The following PTPRT variants were observed in gnomAD, a reference collection of about 807,000 sequenced individuals.
PTPRT encodes the protein receptor-type tyrosine-protein phosphatase T.
PTPRT carries 56 observed loss-of-function variants against 176.8 expected under a neutral mutation model. The observed-to-expected ratio is 0.32, with a 90% confidence interval of 0.26 to 0.40. PTPRT has a LOEUF of 0.40. PTPRT is among the 10% of genes least tolerant of loss of function. The pLI, the probability that PTPRT is intolerant of heterozygous loss-of-function variation, is 1.00. For synonymous variants in PTPRT, 783 were observed against 739.0 expected, an observed-to-expected ratio of 1.06 and a Z score of -0.96; for missense variants, 1,540 against 1,908.2, an observed-to-expected ratio of 0.81 and a Z score of 3.60.
chr20:43,112,455 T>C (rs2012903254), intron 1 of PTPRT, among the ~76,000 whole-genome samples: 1 of 152,170 alleles, frequency 6.6e-6, no homozygotes, highest in Non-Finnish European at 1.5e-5. Context: ...CATTCTATTC[T>C]GTTGCATGTT....
chr20:42,177,074 T>G (rs374459304), intron 16 of PTPRT, among the ~76,000 whole-genome samples: 12 of 152,256 alleles, frequency 7.9e-5, no homozygotes, highest in African/African-American at 2.4e-4. Context: ...CCTTCACCTT[T>G]GTGGACCTTA....
chr20:43,034,180 T>A (rs1014659452), intron 1 of PTPRT, among the ~76,000 whole-genome samples: 1 of 152,138 alleles, frequency 6.6e-6, no homozygotes, highest in African/African-American at 2.4e-5. Context: ...AAGTCCCAGA[T>A]GGGGGTACAC....
At chr20:43,109,596 T>C (rs988974489) in intron 1 of PTPRT, among the ~76,000 whole-genome samples, 13 of 152,182 alleles carry the variant, frequency 8.5e-5, no homozygotes, top group African/African-American at 2.7e-4. Flanking sequence ...AAGTCAGACA[T>C]GGTCCCTTCC....
At chr20:42,261,818 T>A (rs984761582) in intron 13 of PTPRT, among the ~76,000 whole-genome samples, 2 of 152,154 alleles carry the variant, frequency 1.3e-5, no homozygotes, top group Admixed American at 6.5e-5. Flanking sequence ...GGTGACTGTA[T>A]TACCTGACTT....
chr20:42,774,682 G>A (rs2077108423), intron 4 of PTPRT, among the ~76,000 whole-genome samples: 1 of 152,134 alleles, frequency 6.6e-6, no homozygotes, highest in South Asian at 2.1e-4. Context: ...CATACATTCA[G>A]GGATGCCCCC....
At chr20:42,682,529 C>T (rs2075620729) in intron 6 of PTPRT, among the ~76,000 whole-genome samples, 1 of 152,236 alleles carries the variant, frequency 6.6e-6, no homozygotes, top group South Asian at 2.1e-4. Flanking sequence ...ACAGACTCCA[C>T]ACCATCATCT....
At chr20:42,921,599 C>G (rs897266068) in intron 1 of PTPRT, among the ~76,000 whole-genome samples, 1 of 152,156 alleles carries the variant, frequency 6.6e-6, no homozygotes, top group African/African-American at 2.4e-5. Context: ...ATAAAAACAA[C>G]ACAAAAATTT....
intron 1 of PTPRT, among the ~76,000 whole-genome samples, chr20:43,002,002 G>C (rs1167559282): frequency 6.6e-6 from 1 of 152,190 alleles, no homozygotes; most frequent in African/African-American, 2.4e-5. Context: ...TGTTGAGGGA[G>C]AGACCTGGTA....
chr20:42,137,651 G>T (rs1247394775), intron 18 of PTPRT, among the ~76,000 whole-genome samples: 3 of 152,182 alleles, frequency 2.0e-5, no homozygotes, highest in Non-Finnish European at 4.4e-5. Flanking sequence ...AACTCAAAAA[G>T]GCTACACTAA....
intron 1 of PTPRT, among the ~76,000 whole-genome samples, chr20:43,178,661 G>A (rs920601379): frequency 3.9e-5 from 6 of 152,110 alleles, no homozygotes. Flanking sequence ...CTTGACCCAG[G>A]CCTGTTAAGT....
intron 8 of PTPRT, among the ~76,000 whole-genome samples, chr20:42,468,945 C>A (rs2071146055): frequency 6.6e-6 from 1 of 152,160 alleles, no homozygotes. Context: ...ACTTTTTGAG[C>A]ATCTACAGTG....
chr20:42,607,969 G>A (rs1460164358), intron 7 of PTPRT, among the ~76,000 whole-genome samples: 1 of 152,162 alleles, frequency 6.6e-6, no homozygotes, highest in South Asian at 2.1e-4. Flanking sequence ...GACACTGGCC[G>A]TGTGTCACAG....
intron 1 of PTPRT, among the ~76,000 whole-genome samples, chr20:43,156,641 G>A (rs927874318): frequency 6.6e-6 from 1 of 152,218 alleles, no homozygotes; most frequent in Non-Finnish European, 1.5e-5. Context: ...GACAAAGAGA[G>A]TGAATGGTTG....
chr20:42,247,646 T>G (rs1168708355), intron 14 of PTPRT, among the ~76,000 whole-genome samples: 1 of 152,220 alleles, frequency 6.6e-6, no homozygotes, highest in African/African-American at 2.4e-5. Flanking sequence ...AAGGCTCTTT[T>G]GCCTGGGAGC....
chr20:42,966,324 T>C (rs1197686621), intron 1 of PTPRT: 1 of 152,244 alleles, frequency 6.6e-6, no homozygotes, highest in African/African-American at 2.4e-5. Context: ...TGCCTGATGT[T>C]TAACGAGGCT....
intron 6 of PTPRT, among the ~76,000 whole-genome samples, chr20:42,716,976 A>T (rs1048574759): frequency 2.6e-5 from 4 of 151,642 alleles, no homozygotes; most frequent in Admixed American, 6.6e-5. Context: ...CATAGGTGGG[A>T]ATTGAACAAT....
At chr20:42,424,182 C>T (rs879300925) in intron 9 of PTPRT, among the ~76,000 whole-genome samples, 2 of 151,990 alleles carry the variant, frequency 1.3e-5, no homozygotes, top group Non-Finnish European at 2.9e-5. Flanking sequence ...CATTTTTGTT[C>T]TTGTCATGAC....
intron 15 of PTPRT, among the ~76,000 whole-genome samples, chr20:42,214,130 A>T (rs2055711688): frequency 6.6e-6 from 1 of 152,160 alleles, no homozygotes; most frequent in African/African-American, 2.4e-5. Context: ...ATGGAAAGCC[A>T]CCCAGGCTTT....
At chr20:42,849,350 T>C (rs1475252875) in intron 2 of PTPRT, among the ~76,000 whole-genome samples, 2 of 152,234 alleles carry the variant, frequency 1.3e-5, no homozygotes, top group African/African-American at 2.4e-5. Flanking sequence ...CAGAGTTCCA[T>C]TGTTCTTTCA....
Sources: gnomAD v4.1 joint callset for allele counts (sites outside exome capture counted in the v4.1 genomes callset) on GRCh38, gnomAD v4.1.1 for gene constraint, MANE v1.5 for transcripts, NCBI Gene and HGNC (gene_info 2026-07-23, HGNC 2026-07-21) for gene names.